RB1CC1: variants seen among roughly 807,000 people sequenced by gnomAD.
RB1CC1 encodes the protein RB1 inducible coiled-coil 1, also known as RB1-inducible coiled-coil protein 1.
Under a neutral mutation model 177.5 loss-of-function variants are expected in RB1CC1, and 46 were observed. The observed-to-expected ratio is 0.26, with a 90% CI of 0.20 to 0.33. The LOEUF is 0.33. RB1CC1 is among the 10% of genes least tolerant of loss of function. RB1CC1 has a pLI of 1.00. For synonymous variants in RB1CC1, 666 were observed against 613.6 expected, an observed-to-expected ratio of 1.09 and a Z score of -1.26; for missense variants, 1,703 against 1,816.3, an observed-to-expected ratio of 0.94 and a Z score of 1.13.
At chr8:52,628,276 C>T in intron 21 of RB1CC1, 108 bp from the exon 22 acceptor site, 1 of 1,121,974 alleles carries the variant, frequency 8.9e-7, no homozygotes, top group East Asian at 2.7e-5. Flanking sequence ...GATATTAATG[C>T]AATATTAAAT....
chr8:52,704,938 T>C (rs994247441), intron 1 of RB1CC1, among the ~76,000 whole-genome samples: 3 of 152,224 alleles, frequency 2.0e-5, no homozygotes, highest in Admixed American at 2.0e-4. Context: ...TTTAATACTA[T>C]ACAAGTTAAC....
At chr8:52,646,018 A>C in intron 15 of RB1CC1, 151 bp from the exon 16 acceptor site, 1 of 747,864 alleles carries the variant, frequency 1.3e-6, no homozygotes, top group African/African-American at 1.8e-5. Context: ...CTAAAAAGTA[A>C]AGGGAAATAA....
intron 16 of RB1CC1, among the ~76,000 whole-genome samples, chr8:52,643,421 C>T (rs572153002): frequency 1.3e-5 from 2 of 152,190 alleles, no homozygotes; most frequent in African/African-American, 4.8e-5. Context: ...TTTGCTTAGG[C>T]CGGACTTGGT....
chr8:52,666,028 T>C (rs1852033809), intron 8 of RB1CC1, among the ~76,000 whole-genome samples: 1 of 152,160 alleles, frequency 6.6e-6, no homozygotes, highest in Admixed American at 6.5e-5. Context: ...AGAATACCAA[T>C]GTCCAATCAT....
At chr8:52,679,630 C>G (rs1453981783) in intron 5 of RB1CC1, among the ~76,000 whole-genome samples, 1 of 152,164 alleles carries the variant, frequency 6.6e-6, no homozygotes, top group African/African-American at 2.4e-5. Flanking sequence ...GTTACCAGGA[C>G]CCCCTGAAGC....
At chr8:52,697,657 G>A (rs1001826422) in intron 1 of RB1CC1, among the ~76,000 whole-genome samples, 4 of 152,148 alleles carry the variant, frequency 2.6e-5, no homozygotes, top group African/African-American at 9.7e-5. Context: ...GGTGAGATTG[G>A]CAAAATGTTG....
intron 7 of RB1CC1, among the ~76,000 whole-genome samples, chr8:52,669,750 G>T (rs1852387037): frequency 6.6e-6 from 1 of 152,002 alleles, no homozygotes; most frequent in Admixed American, 6.6e-5. Flanking sequence ...CAAATTATTA[G>T]CATGATAAAG....
intron 1 of RB1CC1, among the ~76,000 whole-genome samples, chr8:52,687,924 G>C (rs1854418894): frequency 6.6e-6 from 1 of 152,224 alleles, no homozygotes; most frequent in South Asian, 2.1e-4. Flanking sequence ...GTTGTGGGAA[G>C]TCAGGGACCC....
intron 15 of RB1CC1, among the ~76,000 whole-genome samples, chr8:52,654,360 A>C (rs1315652727): frequency 1.3e-5 from 2 of 152,190 alleles, no homozygotes; most frequent in Non-Finnish European, 2.9e-5. Context: ...GCCAATGAAA[A>C]GAAGATGTGC....
chr8:52,674,379 C>T, intron 6 of RB1CC1, 105 bp from the exon 7 acceptor site: 1 of 965,882 alleles, frequency 1.0e-6, no homozygotes, highest in Non-Finnish European at 1.6e-6. Context: ...ATCTCACCAC[C>T]TCTCCATAAC....
intron 21 of RB1CC1, 145 bp downstream of exon 21, chr8:52,630,325 C>G: frequency 1.1e-6 from 1 of 924,476 alleles, no homozygotes; most frequent in Non-Finnish European, 1.5e-6. Context: ...ATCCTGCTTT[C>G]CAGTAAAAAA....
In RB1CC1 at chr8:52,686,795, T is replaced by G. The variant is rs1854311371; in HGVS notation, c.-52+58A>C. The G allele has an allele frequency of 4.9e-5, 17 of 344,342 alleles. 1 individual carries two copies. The highest frequency in any genetic ancestry group is 3.9e-4 in the South Asian group (17 of 43,624). The allele number at this position is 344,342 out of a possible 1,614,324, so 21.3% of individuals were successfully genotyped here. A position where few individuals can be genotyped will look rare whatever the true frequency, so the allele number is the denominator to read the frequency against. ...GGTTTTAAAATTAAGATTTCCAGAA[T>G]CATTATTTTAAAGGCAATAGATTAA... is the stretch of plus-strand genomic sequence containing the variant. On this transcript the variant is annotated intron_variant, in intron 2 of 23. Transcript: ENST00000025008.
intron 1 of RB1CC1, among the ~76,000 whole-genome samples, chr8:52,703,058 G>A (rs183743723): frequency 6.6e-6 from 1 of 151,986 alleles, no homozygotes; most frequent in African/African-American, 2.4e-5. Context: ...GAGATCACAT[G>A]CAGGTAGCTA....
At chr8:52,631,731 A>T (rs1848774450) in intron 20 of RB1CC1, among the ~76,000 whole-genome samples, 1 of 152,136 alleles carries the variant, frequency 6.6e-6, no homozygotes, top group Non-Finnish European at 1.5e-5. Context: ...AAAATTCACC[A>T]CAGCGTGCTC....
At chr8:52,625,935 A>G (rs7825939) in intron 22 of RB1CC1, among the ~76,000 whole-genome samples, 48,772 of 152,020 alleles carry the variant, frequency 0.32, 8,177 homozygotes, top group South Asian at 0.42. Flanking sequence ...ATTTGGGAAG[A>G]TATACACGAA....
chr8:52,656,992 C>T lies in RB1CC1; in HGVS notation c.2837G>A (p.Cys946Tyr), dbSNP rs778645714. The T allele has an allele frequency of 1.2e-6, 2 of 1,613,760 alleles. No individual in the cohort carries two copies. Residue 946 changes from cysteine (C) to tyrosine (Y), a missense_variant, in exon 15 of 24, where the codon TGT (cysteine) becomes TAT (tyrosine). By Grantham distance (194) the Cys-to-Tyr change is radical. Around this residue, in one of 6 missense-constraint regions of RB1CC1, gnomAD observed 1,169 missense variants for 1,184.7 expected, o/e 0.99. Coordinates refer to ENST00000025008, the MANE Select transcript of RB1CC1 (RefSeq NM_014781.5). ...TGACTGCTTCAGTTCTTTAATTTCA[C>T]AATTTTGAGAGTGCATTATATTTTC... ...EMENIMHSQN[C>Y]EIKELKQSRE... is the part of the protein sequence containing the mutation.
chr8:52,666,800 G>A (rs1296052544), intron 8 of RB1CC1, among the ~76,000 whole-genome samples: 1 of 151,638 alleles, frequency 6.6e-6, no homozygotes, highest in African/African-American at 2.4e-5. Flanking sequence ...TTAAAATGTA[G>A]GTTAAAGGAA....
intron 1 of RB1CC1, among the ~76,000 whole-genome samples, chr8:52,693,662 G>A (rs1156835885): frequency 1.3e-5 from 2 of 152,138 alleles, no homozygotes; most frequent in African/African-American, 2.4e-5. Flanking sequence ...ACAGTGTGGC[G>A]ATTCCTCAAA....
At chr8:52,712,496 C>CAAAA (rs5891479) in intron 1 of RB1CC1, among the ~76,000 whole-genome samples, 3 of 100,462 alleles carry the variant, frequency 3.0e-5, no homozygotes, top group Non-Finnish European at 4.0e-5. Context: ...CAGCAAGAGC[C>CAAAA]AAAAAAAAAA....
Sources: gnomAD v4.1 joint callset for allele counts (sites outside exome capture counted in the v4.1 genomes callset) on GRCh38, gnomAD v4.1.1 for gene constraint, gnomAD v4.1.1 regional missense constraint, MANE v1.5 for transcripts, NCBI Gene and HGNC (gene_info 2026-07-23, HGNC 2026-07-21) for gene names.